Variants in PRAG1 observed in about 807,000 individuals in gnomAD.
The protein encoded by PRAG1 is PEAK1 related, kinase-activating pseudokinase 1.
A neutral mutation model predicts 95.6 loss-of-function variants in PRAG1; 110 were observed. That is an observed-to-expected ratio of 1.15 (90% CI 0.99 to 1.35). The LOEUF (loss-of-function observed/expected upper bound fraction) is 1.35. PRAG1 is among the 40% of genes most tolerant of loss of function. The pLI is 0.00. For missense variants in PRAG1, 2,554 were observed against 1,864.7 expected (o/e 1.37, Z -6.81); for synonymous variants, 1,052 against 819.4 (o/e 1.28, Z -4.85).
chr8:8,347,376 T>A (rs1237084532), intron 3 of PRAG1, among the ~76,000 whole-genome samples: 1 of 152,200 alleles, frequency 6.6e-6, no homozygotes, highest in African/African-American at 2.4e-5. Flanking sequence ...AAAATGCACT[T>A]CCTGCAAAAG....
chr8:8,375,034 A>AT (rs923983676), intron 3 of PRAG1, among the ~76,000 whole-genome samples: 1 of 151,530 alleles, frequency 6.6e-6, no homozygotes, highest in Admixed American at 6.6e-5. Flanking sequence ...ATCGAGAGAA[A>AT]TTTTTTTTCC....
intron 5 of PRAG1, among the ~76,000 whole-genome samples, chr8:8,324,085 C>A (rs559271687): frequency 1.3e-5 from 2 of 152,310 alleles, no homozygotes; most frequent in East Asian, 3.9e-4. Context: ...AGGCCCAGCC[C>A]AGGGCAAGCA....
intron 4 of PRAG1, among the ~76,000 whole-genome samples, chr8:8,338,484 G>C (rs1461962434): frequency 6.6e-6 from 1 of 152,188 alleles, no homozygotes; most frequent in Non-Finnish European, 1.5e-5. Flanking sequence ...GTTATACAAT[G>C]GGCTGGGAAA....
chr8:8,378,821 C>T (rs1327409246), intron 2 of PRAG1, among the ~76,000 whole-genome samples: 1 of 150,522 alleles, frequency 6.6e-6, no homozygotes, highest in Non-Finnish European at 1.5e-5. Context: ...AATCACACCA[C>T]CACACTCCAG....
In PRAG1 at chr8:8,362,658, C is replaced by G. The variant is rs999562418; in HGVS notation, c.2162+13589G>C. Reference sequence around the variant, plus strand: ...ATTCCTCGGTGCCACAAAGAAGAATCAGTAGTCAGATAAAAACTTTTCTCA... The same window carrying G: ...ATTCCTCGGTGCCACAAAGAAGAATGAGTAGTCAGATAAAAACTTTTCTCA... On this transcript the variant is annotated intron_variant, in intron 3 of 5. Transcript: ENST00000615670. 3.3e-5 allele frequency among the ~76,000 whole-genome samples: 5 copies of G among 152,336 alleles called. No homozygotes were observed. The East Asian group carries it at 9.6e-4, about 29-fold the overall frequency.
At chr8:8,359,729 C>T (rs995752846) in intron 3 of PRAG1, among the ~76,000 whole-genome samples, 52 of 152,174 alleles carry the variant, frequency 3.4e-4, no homozygotes, top group Non-Finnish European at 8.8e-5. Context: ...TGGAGGAATT[C>T]GTAGCTTTCC....
intron 3 of PRAG1, among the ~76,000 whole-genome samples, chr8:8,371,448 G>C (rs13279788): frequency 6.6e-6 from 1 of 151,876 alleles, no homozygotes; most frequent in Non-Finnish European, 1.5e-5. Flanking sequence ...TTTTAGTAGA[G>C]AGGGGTTTCA....
chr8:8,352,384 C>T (rs1217823991), intron 3 of PRAG1, among the ~76,000 whole-genome samples: 1 of 152,226 alleles, frequency 6.6e-6, no homozygotes, highest in African/African-American at 2.4e-5. Flanking sequence ...TACCAGGCAG[C>T]CCAGTGCTTC....
chr8:8,351,925 G>T (rs747105369), intron 3 of PRAG1, among the ~76,000 whole-genome samples: 1 of 151,996 alleles, frequency 6.6e-6, no homozygotes, highest in African/African-American at 2.4e-5. Context: ...TACCCACTTG[G>T]GAGTCACTGC....
chr8:8,363,777 T>C (rs1799919116), intron 3 of PRAG1, among the ~76,000 whole-genome samples: 1 of 152,192 alleles, frequency 6.6e-6, no homozygotes, highest in South Asian at 2.1e-4. Context: ...AGGTTAAGAA[T>C]GCAGCTTTCC....
Position 8,318,397 on chromosome 8 carries a change from C to T in PRAG1, c.3978G>A (p.Gln1326=). Residue 1326 remains glutamine, a synonymous_variant, in exon 6 of 6, where the codon CAG becomes CAA. Coordinates refer to ENST00000615670, the MANE Select transcript of PRAG1 (RefSeq NM_001080826.3). This position sits in a 1 kb window ranked among gnomAD's most constrained non-coding sequence, Gnocchi z 4.2. Reference sequence around the variant, plus strand: ...CGCGCCGAGGCCCCCACAGCAGGCACTGCAGCACGCGCTTGGCCTCGCCGA... The same window carrying T: ...CGCGCCGAGGCCCCCACAGCAGGCATTGCAGCACGCGCTTGGCCTCGCCGA... The part of the protein sequence containing the change: ...IRIGEAKRVL[Q]CLLWGPRREL... The T allele has an allele frequency of 6.2e-7, 1 of 1,613,456 alleles. No individual in the cohort carries two copies. Among genetic ancestry groups the T allele is most frequent in the Non-Finnish European group, 8.5e-7 (1 of 1,179,734 alleles).
intron 4 of PRAG1, among the ~76,000 whole-genome samples, chr8:8,339,073 T>C (rs928052561): frequency 1.3e-5 from 2 of 151,972 alleles, no homozygotes; most frequent in Non-Finnish European, 2.9e-5. Context: ...TGTGTACATG[T>C]GGGTACATGC....
intron 5 of PRAG1, 26 bp from the exon 6 acceptor site, chr8:8,319,328 C>A (rs1798400803): frequency 1.3e-6 from 2 of 1,486,170 alleles, no homozygotes; most frequent in South Asian, 2.8e-5. Flanking sequence ...GAAGTGAAAT[C>A]AAGAGTGGGG....
chr8:8,343,652 A>C (rs1180427829), intron 3 of PRAG1, among the ~76,000 whole-genome samples: 2 of 152,252 alleles, frequency 1.3e-5, no homozygotes, highest in African/African-American at 2.4e-5. Flanking sequence ...ATGAGTCAAC[A>C]AACTTTTCCT....
intron 4 of PRAG1, among the ~76,000 whole-genome samples, 167 bp from the exon 5 acceptor site, chr8:8,328,628 T>C (rs1220302601): frequency 1.3e-5 from 2 of 152,170 alleles, no homozygotes; most frequent in Non-Finnish European, 2.9e-5. Flanking sequence ...ATGGAAAAAA[T>C]CAAAATGCAG....
rs551197455 is a variant in PRAG1 at position 8,318,319 on chromosome 8, G to A, written c.4056C>T (p.His1352=). Residue 1352 remains histidine, a synonymous_variant, in exon 6 of 6, where the codon CAC becomes CAT. Transcript: ENST00000615670. The surrounding 1 kb of genome is among the most constrained non-coding windows in gnomAD (Gnocchi z 4.2). ...TSEEALCGTL[H]NWIDMKRALM... is the part of the protein sequence containing the mutation. The stretch of plus-strand genomic sequence containing the variant: ...GGGCCCGCTTCATGTCGATCCAGTT[G>A]TGCAGCGTGCCGCACAGCGCCTCCT... 3.1e-6 allele frequency: 5 copies of A among 1,614,180 alleles called. No individual in the cohort carries two copies. The East Asian group carries it at 6.7e-5, about 22-fold the overall frequency.
At chr8:8,363,111 A>G (rs1163136872) in intron 3 of PRAG1, among the ~76,000 whole-genome samples, 2 of 148,316 alleles carry the variant, frequency 1.3e-5, no homozygotes, top group African/African-American at 4.9e-5. Flanking sequence ...ATATATACTT[A>G]TATATAATAT....
At position 8,318,712 on chromosome 8, in the gene PRAG1, C is replaced by T; in HGVS notation, c.3663G>A (p.Lys1221=). The T allele has an allele frequency of 6.2e-7, 1 of 1,609,752 alleles. No homozygotes were observed. The highest frequency in any genetic ancestry group is 8.5e-7 in the Non-Finnish European group (1 of 1,178,768). Residue 1221 remains lysine (K), a synonymous_variant, in exon 6 of 6, where the codon AAG becomes AAA. Transcript: ENST00000615670. The surrounding 1 kb of genome is among the most constrained non-coding windows in gnomAD (Gnocchi z 4.2). ...GGTTTGGGGTGCCGCCCGGCTTCTGCTTGGCCTTCAAAAAGTTGCTGATGA... is the reference window on the plus strand; with the variant it reads ...GGTTTGGGGTGCCGCCCGGCTTCTGTTTGGCCTTCAAAAAGTTGCTGATGA... ...RLIISNFLKA[K]QKPGGTPNLQ...
intron 4 of PRAG1, among the ~76,000 whole-genome samples, chr8:8,339,105 A>G (rs1291860466): frequency 1.3e-5 from 2 of 151,896 alleles, no homozygotes; most frequent in Non-Finnish European, 2.9e-5. Context: ...CAAAAGAGAG[A>G]GAGAGAGAGA....
Sources: gnomAD v4.1 joint callset for allele counts (sites outside exome capture counted in the v4.1 genomes callset) on GRCh38, gnomAD v4.1.1 for gene constraint, Gnocchi (gnomAD v3.1) non-coding constraint, MANE v1.5 for transcripts, NCBI Gene and HGNC (gene_info 2026-07-23, HGNC 2026-07-21) for gene names.